OTUB2: variants seen among roughly 807,000 people sequenced by gnomAD.
The protein encoded by OTUB2 is ubiquitin thioesterase OTUB2.
OTUB2 carries 21 observed loss-of-function variants against 25.1 expected under a neutral mutation model. That is an observed-to-expected ratio of 0.84 (90% confidence interval 0.59 to 1.21). OTUB2 has a LOEUF of 1.21. Among genes scored for constraint, OTUB2 ranks in the 50% most tolerant of loss-of-function variants. The pLI is 0.00. For synonymous variants in OTUB2, 122 were observed against 122.8 expected (o/e 0.99, Z 0.04); for missense variants, 283 against 298.0 (o/e 0.95, Z 0.37).
rs1885292240 is a variant in OTUB2, at chr14:94,047,063, G to A, written c.*1141G>A. ...TCAGGACCTTCAAGATTCCATCTGTGGGCTGGCCGGCAAGATGGCACCAGT... is the reference window on the plus strand; with the variant it reads ...TCAGGACCTTCAAGATTCCATCTGTAGGCTGGCCGGCAAGATGGCACCAGT... On this transcript the variant is annotated 3_prime_UTR_variant, in exon 6 of 6. Coordinates refer to ENST00000203664, the MANE Select transcript of OTUB2 (RefSeq NM_023112.4). 1 of 152,260 alleles carries A rather than the reference G, an allele frequency of 6.6e-6. No homozygotes were observed. 9.4% of individuals were successfully genotyped at this position (152,260 alleles called of 1,614,324 possible). A position where few individuals can be genotyped will look rare whatever the true frequency, so the allele number is the denominator to read the frequency against.
chr14:94,026,661 C>A, intron 1 of OTUB2, 121 bp downstream of exon 1: 1 of 1,071,312 alleles, frequency 9.3e-7, no homozygotes, highest in Non-Finnish European at 1.2e-6. Flanking sequence ...CCCCAGCTCG[C>A]CCCCGCCGCT....
At chr14:94,039,290 G>A (rs912220320) in intron 3 of OTUB2, 2 of 590,274 alleles carry the variant, frequency 3.4e-6, no homozygotes, top group African/African-American at 3.7e-5. Context: ...TGGAATCTGT[G>A]ACCTCCCAGA....
Position 94,045,828 on chromosome 14 carries a change from A to T in OTUB2, c.611A>T (p.Asn204Ile). 6.2e-7 allele frequency: 1 copy of T among 1,614,168 alleles called. No homozygotes were observed. ...GTGGACGAGATGGATACCGCCCTGAACCACCACGTGTTCCCTGAGGCCGCC... is the reference window on the plus strand; with the variant it reads ...GTGGACGAGATGGATACCGCCCTGATCCACCACGTGTTCCCTGAGGCCGCC... ...EYVDEMDTAL[N>I]HHVFPEAATP... Residue 204 changes from asparagine to isoleucine, a missense_variant, in exon 6 of 6, where the codon AAC (asparagine) becomes ATC (isoleucine). Transcript: ENST00000203664.
chr14:94,041,234 AG>A (rs771665885), intron 3 of OTUB2, among the ~76,000 whole-genome samples: 23 of 152,206 alleles, frequency 1.5e-4, no homozygotes, highest in Non-Finnish European at 2.6e-4. Flanking sequence ...GAGAGTTAGC[AG>A]GATGGAGAAG....
Position 94,032,342 on chromosome 14 carries a change from T to C in OTUB2, c.4-5038T>C, listed in dbSNP as rs567890149. Among the ~76,000 whole-genome samples, 11 of 152,298 alleles carry C rather than the reference T, an allele frequency of 7.2e-5. No homozygotes were observed. In the South Asian group the frequency reaches 1.7e-3, roughly 23 times the overall value. On this transcript the variant is annotated intron_variant, in intron 1 of 5. Coordinates refer to ENST00000203664, the MANE Select transcript of OTUB2 (RefSeq NM_023112.4). ...GGGAAAAAAATATCCAGAATATCTA[T>C]AGAATAGTATTATGCAAACTTAAAA...
chr14:94,042,373 G>A (rs557831695), intron 3 of OTUB2, among the ~76,000 whole-genome samples: 1 of 151,944 alleles, frequency 6.6e-6, no homozygotes, highest in South Asian at 2.1e-4. Context: ...CTGGGGGCTT[G>A]CCCCCTTCTG....
intron 2 of OTUB2, among the ~76,000 whole-genome samples, chr14:94,038,212 T>A (rs1203348203): frequency 1.3e-5 from 2 of 152,204 alleles, no homozygotes; most frequent in East Asian, 3.8e-4. Flanking sequence ...CCAGGGGTAG[T>A]GGTGTGGGCA....
intron 3 of OTUB2, among the ~76,000 whole-genome samples, chr14:94,043,183 G>A (rs1885196567): frequency 6.6e-6 from 1 of 152,222 alleles, no homozygotes; most frequent in Non-Finnish European, 1.5e-5. Flanking sequence ...GGTGGCCCAG[G>A]CCTCTGTATT....
At chr14:94,037,355 C>A in intron 1 of OTUB2, 25 bp from the exon 2 acceptor site, 1 of 1,519,262 alleles carries the variant, frequency 6.6e-7, no homozygotes, top group Non-Finnish European at 9.1e-7. Context: ...ATTGTCACAG[C>A]ATTTCTTCCT....
intron 3 of OTUB2, chr14:94,039,513 A>C: frequency 5.7e-6 from 1 of 176,030 alleles, no homozygotes; most frequent in South Asian, 1.3e-4. Context: ...TTCATGCTGG[A>C]GAAGGTCTGT....
chr14:94,044,881 G>A (rs1885240818), intron 5 of OTUB2, 101 bp downstream of exon 5: 1 of 1,228,222 alleles, frequency 8.1e-7, no homozygotes, highest in Admixed American at 2.6e-5. Flanking sequence ...CGGGTGTCAC[G>A]ACTGCCCTTG....
At chr14:94,042,409 T>A (rs1283646655) in intron 3 of OTUB2, among the ~76,000 whole-genome samples, 2 of 150,750 alleles carry the variant, frequency 1.3e-5, no homozygotes, top group Non-Finnish European at 3.0e-5. Context: ...GCATGCTGCT[T>A]ATCTCCGTGC....
chr14:94,045,556 G>A (rs563667181), intron 5 of OTUB2, among the ~76,000 whole-genome samples, 160 bp from the exon 6 acceptor site: 2 of 152,170 alleles, frequency 1.3e-5, no homozygotes, highest in African/African-American at 2.4e-5. Context: ...GCTGTTTCCC[G>A]TGTGGCATGA....
In OTUB2 at chr14:94,037,486, G is replaced by C; in HGVS notation, c.99+11G>C. On this transcript the variant is annotated intron_variant, in intron 2 of 5. Transcript: ENST00000203664. ...CGGAGGAAAATCGAGGTGAGGCAGA[G>C]GGCAGGGAGAAGAGCATCCGAAACT... 6.4e-7 allele frequency: 1 copy of C among 1,563,466 alleles called. No homozygotes were observed. Among genetic ancestry groups the C allele is most frequent in the Non-Finnish European group, 8.8e-7 (1 of 1,135,324 alleles).
chr14:94,033,637 CA>C (rs1483443173), intron 1 of OTUB2, among the ~76,000 whole-genome samples: 1 of 152,202 alleles, frequency 6.6e-6, no homozygotes, highest in African/African-American at 2.4e-5. Context: ...GTATAAACAA[CA>C]AGGCTTTTAT....
At chr14:94,032,243 T>TCACCTGCAGATGGAGGTAGCC (rs1331636787) in intron 1 of OTUB2, among the ~76,000 whole-genome samples, 2 of 152,112 alleles carry the variant, frequency 1.3e-5, no homozygotes, top group Non-Finnish European at 2.9e-5. Context: ...CAAGGTTCCA[T>TCACCTGCAGATGGAGGTAGCC]CACCTGCAGA....
intron 1 of OTUB2, among the ~76,000 whole-genome samples, chr14:94,033,731 G>A (rs1464291536): frequency 6.6e-6 from 1 of 152,266 alleles, no homozygotes; most frequent in Non-Finnish European, 1.5e-5. Flanking sequence ...ATTGGGCAGA[G>A]CAGGTGCGCT....
intron 1 of OTUB2, among the ~76,000 whole-genome samples, chr14:94,034,361 T>C (rs1885012080): frequency 6.6e-6 from 1 of 152,170 alleles, no homozygotes; most frequent in Non-Finnish European, 1.5e-5. Context: ...CCTGGCCTGT[T>C]GATAAGAAGG....
At chr14:94,041,864 A>G (rs1012901162) in intron 3 of OTUB2, among the ~76,000 whole-genome samples, 2 of 152,188 alleles carry the variant, frequency 1.3e-5, no homozygotes, top group African/African-American at 4.8e-5. Context: ...TCCTTTCCCC[A>G]GTTGAACAGT....
Sources: allele counts gnomAD v4.1 joint callset (sites outside exome capture counted in the v4.1 genomes callset), GRCh38; gene constraint gnomAD v4.1.1; transcripts MANE v1.5; gene names NCBI Gene and HGNC (gene_info 2026-07-23, HGNC 2026-07-21).